The following ZNF717 variants were observed in gnomAD, a reference collection of about 807,000 sequenced individuals.
ZNF717 encodes the protein zinc finger protein 717.
A neutral mutation model predicts 13.8 loss-of-function variants in ZNF717; 9 were observed. That is an observed-to-expected ratio of 0.65 (90% CI 0.39 to 1.14). ZNF717 has a LOEUF of 1.14. Ranked by LOEUF, ZNF717 falls within the 50% of genes most tolerant of loss-of-function variation. ZNF717 has a pLI of 0.01. For synonymous variants in ZNF717, 327 were observed against 364.1 expected, an observed-to-expected ratio of 0.90 and a Z score of 1.16; for missense variants, 1,040 against 1,080.7, an observed-to-expected ratio of 0.96 and a Z score of 0.53.
chr3:75,708,039 C>T (rs201012780), downstream of ZNF717, among the ~76,000 whole-genome samples: 1 of 152,236 alleles, frequency 6.6e-6, no homozygotes, highest in Non-Finnish European at 1.5e-5. Context: ...CACAGACAAA[C>T]AAAAAGACAG....
intron 2 of ZNF717, among the ~76,000 whole-genome samples, chr3:75,743,817 G>A (rs1295308582): frequency 6.6e-6 from 1 of 152,250 alleles, no homozygotes; most frequent in East Asian, 1.9e-4. Flanking sequence ...GTGTTGTGAA[G>A]TGAAATTTGC....
intron 4 of ZNF717, among the ~76,000 whole-genome samples, chr3:75,740,953 A>C (rs1940336340): frequency 1.1e-5 from 1 of 94,898 alleles, no homozygotes; most frequent in East Asian, 3.7e-4. Flanking sequence ...TAAATGCATG[A>C]ATGTCTAAAA....
At chr3:75,760,873 G>T (rs1406098088) in intron 2 of ZNF717, among the ~76,000 whole-genome samples, 1 of 150,722 alleles carries the variant, frequency 6.6e-6, no homozygotes, top group East Asian at 1.9e-4. Flanking sequence ...TTTTTTTAAA[G>T]ATCAATAAAA....
chr3:75,755,985 T>C (rs1477241653), intron 2 of ZNF717, among the ~76,000 whole-genome samples: 1 of 47,988 alleles, frequency 2.1e-5, no homozygotes, highest in Admixed American at 2.4e-4. Context: ...TTCACTGCAC[T>C]TGCTTTATTG....
At chr3:75,758,476 AATAC>A (rs1269533147) in intron 2 of ZNF717, among the ~76,000 whole-genome samples, 1 of 148,092 alleles carries the variant, frequency 6.8e-6, no homozygotes, top group Non-Finnish European at 1.5e-5. Flanking sequence ...GATTTACAAT[AATAC>A]ATAAACTTAG....
intron 2 of ZNF717, among the ~76,000 whole-genome samples, chr3:75,751,657 T>A (rs1457791023): frequency 2.0e-5 from 3 of 148,876 alleles, no homozygotes; most frequent in African/African-American, 7.5e-5. Flanking sequence ...TGTTTGTCCC[T>A]CACATAGGAT....
chr3:75,722,221 C>T (rs1210755282), intron 4 of ZNF717, among the ~76,000 whole-genome samples: 40 of 152,118 alleles, frequency 2.6e-4, no homozygotes, highest in African/African-American at 8.9e-4. Flanking sequence ...GATCGTGCCA[C>T]TGCACTCCAG....
chr3:75,752,191 G>T (rs1575840455), intron 2 of ZNF717, among the ~76,000 whole-genome samples: 1 of 151,652 alleles, frequency 6.6e-6, no homozygotes, highest in East Asian at 1.9e-4. Context: ...TAGGAATCCA[G>T]AACACTGCTA....
At chr3:75,767,525 C>G (rs1197653038) in intron 2 of ZNF717, among the ~76,000 whole-genome samples, 1 of 152,236 alleles carries the variant, frequency 6.6e-6, no homozygotes, top group Non-Finnish European at 1.5e-5. Context: ...GTAACTGGGC[C>G]TCAAGGAGAC....
In ZNF717 at chr3:75,741,345, T is replaced by G; in HGVS notation, c.208A>C (p.Met70Leu). ...GCTCCTTGCTCTAGCTTGAAGATCATCTCAGGTTTGGTAATGTAATGCCCT... is the reference window on the plus strand; with the variant it reads ...GCTCCTTGCTCTAGCTTGAAGATCAGCTCAGGTTTGGTAATGTAATGCCCT... ...SLGHYITKPEMIFKLEQGAEP... is the reference protein window; with the variant it reads ...SLGHYITKPELIFKLEQGAEP... Residue 70 changes from methionine (M) to leucine (L), a missense_variant, in exon 4 of 5, where the codon ATG (methionine) becomes CTG (leucine). Physicochemically the swap from Met to Leu is conservative, Grantham distance 15 (BLOSUM62 2). Transcript: ENST00000652011. 1 of 1,549,132 alleles carries G rather than the reference T, an allele frequency of 6.5e-7. No homozygotes were observed. Among genetic ancestry groups the G allele is most frequent in the East Asian group, 2.4e-5 (1 of 40,902 alleles).
intron 2 of ZNF717, among the ~76,000 whole-genome samples, chr3:75,753,021 A>C (rs77687829): frequency 9.0e-6 from 1 of 111,604 alleles, no homozygotes. Flanking sequence ...CTGAATGTTT[A>C]TACCTCACAT....
At chr3:75,725,259 A>G (rs1487627697), downstream of ZNF717, among the ~76,000 whole-genome samples, 2 of 152,052 alleles carry the variant, frequency 1.3e-5, no homozygotes, top group African/African-American at 2.4e-5. Context: ...CTATATCTCT[A>G]AACAGGTAAC....
intron 2 of ZNF717, among the ~76,000 whole-genome samples, chr3:75,769,027 T>C (rs999198424): frequency 1.3e-5 from 2 of 152,106 alleles, no homozygotes; most frequent in Non-Finnish European, 1.5e-5. Flanking sequence ...GAAATGTTAA[T>C]AGTTTGTGGC....
intron 2 of ZNF717, among the ~76,000 whole-genome samples, chr3:75,771,859 C>T (rs539299660): frequency 9.8e-5 from 15 of 152,370 alleles, no homozygotes; most frequent in African/African-American, 3.4e-4. Flanking sequence ...CTCAGTCATA[C>T]CTGGTCCTGC....
rs75919196 is a variant in ZNF717, at chr3:75,738,712, A to G, written c.911T>C (p.Met304Thr). 4.9e-6 allele frequency: 7 copies of G among 1,442,986 alleles called. No individual in the cohort carries two copies. The highest frequency in any genetic ancestry group is 6.4e-6 in the Non-Finnish European group (7 of 1,087,268). The allele number at this position is 1,442,986 out of a possible 1,614,324, so 89.4% of individuals were successfully genotyped here. A position where few individuals can be genotyped will look rare whatever the true frequency, so the allele number is the denominator to read the frequency against. ...SKSDLMLQCKMPTEEKPYACN... is the reference protein window; with the variant it reads ...SKSDLMLQCKTPTEEKPYACN... ...GGCATAAGGTTTTTCCTCAGTAGGCATCTTGCACTGTAGCATAAGGTCTGA... is the reference window on the plus strand; with the variant it reads ...GGCATAAGGTTTTTCCTCAGTAGGCGTCTTGCACTGTAGCATAAGGTCTGA... The change falls in exon 5 of 5, where the codon ATG (methionine) becomes ACG (threonine). Residue 304 changes from methionine (M) to threonine (T), a missense_variant. Coordinates refer to ENST00000652011, the MANE Select transcript of ZNF717 (RefSeq NM_001290208.3).
chr3:75,738,812 T>C lies in ZNF717; in HGVS notation c.811A>G (p.Thr271Ala). ...CCTGTGTGTGTCTGCTGATGTTTAG[T>C]GAAGTCAGACTTTCTACAGCAAGTT... ...QPTCCRKSDF[T>A]KHQQTHTGEK... The change falls in exon 5 of 5, where the codon ACT becomes GCT. Residue 271 changes from threonine (T) to alanine (A), a missense_variant. Physicochemically the swap from Thr to Ala is moderately conservative, Grantham distance 58 (BLOSUM62 0). This residue lies in a region of ZNF717 where 873 missense variants were observed against 832.8 expected (regional missense o/e 1.05). Coordinates refer to ENST00000652011, the MANE Select transcript of ZNF717 (RefSeq NM_001290208.3). The C allele has an allele frequency of 5.8e-6, 9 of 1,552,476 alleles. No homozygotes were observed. In the South Asian group the frequency reaches 7.1e-5, roughly 12 times the overall value.
chr3:75,733,502 A>AG (rs1938777574), downstream of ZNF717, among the ~76,000 whole-genome samples: 1 of 146,420 alleles, frequency 6.8e-6, no homozygotes, highest in Non-Finnish European at 1.5e-5. Context: ...ATTCAGGTTG[A>AG]GCTCGGTGGC....
chr3:75,717,840 C>A (rs1373440473), intron 4 of ZNF717, among the ~76,000 whole-genome samples: 1 of 152,170 alleles, frequency 6.6e-6, no homozygotes, highest in African/African-American at 2.4e-5. Flanking sequence ...TTTTCTCCAG[C>A]AAACACAACA....
rs1218153555 is a variant in ZNF717, at chr3:75,696,872, G to A, written n.1085+14315C>T. On this transcript the variant is annotated intron_variant and non_coding_transcript_variant, in intron 6 of 6. Transcript: ENST00000648506. ...CACACCATTGCACTCCAACCTGGGT[G>A]ACAGAGGGAGACTTCATCTCAAAAA... 5.6e-5 allele frequency among the ~76,000 whole-genome samples: 8 copies of A among 142,740 alleles called. No individual in the cohort carries two copies. The South Asian group carries it at 1.9e-3, about 33-fold the overall frequency. 93.6% of individuals were successfully genotyped at this position (142,740 alleles called of 152,430 possible).
Sources: allele counts gnomAD v4.1 joint callset (sites outside exome capture counted in the v4.1 genomes callset), GRCh38; gene constraint gnomAD v4.1.1; regional missense constraint gnomAD v4.1.1; transcripts MANE v1.5; gene names NCBI Gene and HGNC (gene_info 2026-07-23, HGNC 2026-07-21).